Variants in DROSHA observed in about 807,000 individuals in gnomAD.
DROSHA encodes the protein drosha ribonuclease III.
DROSHA carries 56 observed loss-of-function variants against 181.9 expected under a neutral mutation model. The observed-to-expected ratio is 0.31, with a 90% CI of 0.25 to 0.38. The LOEUF (loss-of-function observed/expected upper bound fraction) is 0.38. Ranked by LOEUF, DROSHA falls within the 10% of genes least tolerant of loss-of-function variation. DROSHA has a pLI of 1.00. For missense variants in DROSHA, 1,218 were observed against 1,743.5 expected (o/e 0.70, Z 5.37); for synonymous variants, 524 against 591.2 (o/e 0.89, Z 1.65).
intron 26 of DROSHA, among the ~76,000 whole-genome samples, chr5:31,430,000 T>C (rs112457456): frequency 3.8e-4 from 58 of 152,184 alleles, no homozygotes; most frequent in African/African-American, 1.4e-3. Context: ...GCAAACAAAA[T>C]ATCAGGGGAA....
At chr5:31,504,467 A>T in intron 11 of DROSHA, 88 bp downstream of exon 11, 1 of 1,378,516 alleles carries the variant, frequency 7.3e-7, no homozygotes, top group Middle Eastern at 1.8e-4. Context: ...TGATGGTATT[A>T]TTTCATTTAT....
chr5:31,437,381 A>C, intron 23 of DROSHA, 83 bp from the exon 24 acceptor site: 7 of 1,092,518 alleles, frequency 6.4e-6, no homozygotes, highest in African/African-American at 1.8e-5. Context: ...AAAAGAACAC[A>C]TGAGGGTTAG....
intron 3 of DROSHA, 88 bp from the exon 4 acceptor site, chr5:31,529,193 A>T: frequency 8.7e-7 from 1 of 1,146,748 alleles, no homozygotes; most frequent in Non-Finnish European, 1.2e-6. Context: ...CATAACACTA[A>T]TTTTGTAGTT....
At chr5:31,531,786 G>T (rs1177668581) in intron 1 of DROSHA, among the ~76,000 whole-genome samples, 3 of 152,094 alleles carry the variant, frequency 2.0e-5, no homozygotes, top group Non-Finnish European at 4.4e-5. Flanking sequence ...CTCCACAAAT[G>T]AATGAAAGGT....
At chr5:31,469,701 T>C (rs574404459) in intron 17 of DROSHA, among the ~76,000 whole-genome samples, 3 of 107,036 alleles carry the variant, frequency 2.8e-5, no homozygotes, top group South Asian at 8.4e-4. Context: ...ATTTAAAATA[T>C]CTATAGTATC....
At chr5:31,530,399 T>TGG (rs1336485996) in intron 3 of DROSHA, among the ~76,000 whole-genome samples, 1 of 152,104 alleles carries the variant, frequency 6.6e-6, no homozygotes, top group African/African-American at 2.4e-5. Context: ...CCTCTGTGCT[T>TGG]GGCATTTAAG....
chr5:31,437,904 C>A (rs1745086851), intron 23 of DROSHA, among the ~76,000 whole-genome samples: 1 of 152,132 alleles, frequency 6.6e-6, no homozygotes, highest in South Asian at 2.1e-4. Flanking sequence ...ACCCTAGAGC[C>A]TTCCACTCTC....
At chr5:31,407,014 AGGAAAAC>A in intron 33 of DROSHA, 69 bp from the exon 34 acceptor site, 3 of 1,399,758 alleles carry the variant, frequency 2.1e-6, no homozygotes, top group Non-Finnish European at 3.0e-6. Context: ...TGTAACTATG[AGGAAAAC>A]CATGTACTTA....
At chr5:31,497,417 C>T (rs532471062) in intron 11 of DROSHA, among the ~76,000 whole-genome samples, 10 of 152,342 alleles carry the variant, frequency 6.6e-5, no homozygotes. Flanking sequence ...CGGCAGTCAA[C>T]TCTTGAAGCC....
intron 17 of DROSHA, among the ~76,000 whole-genome samples, chr5:31,468,447 C>A (rs1457415457): frequency 2.0e-5 from 3 of 152,224 alleles, no homozygotes; most frequent in Non-Finnish European, 4.4e-5. Flanking sequence ...TCAGAATGCA[C>A]AGATGCCTCT....
intron 29 of DROSHA, among the ~76,000 whole-genome samples, chr5:31,422,109 GAAAGAA>G (rs1332755488): frequency 4.8e-5 from 7 of 146,944 alleles, no homozygotes; most frequent in Non-Finnish European, 9.0e-5. Flanking sequence ...AAGAAAGAAA[GAAAGAA>G]AAAGAAAAAG....
Position 31,506,820 on chromosome 5 carries a change from C to T in DROSHA, c.1587+1801G>A, listed in dbSNP as rs117561218. On this transcript the variant is annotated intron_variant, in intron 10 of 35. Transcript: ENST00000344624. The stretch of plus-strand genomic sequence containing the variant: ...TCTCCAGGGAAGCAGAGACATCCTA[C>T]ATGCTTGCCTTTTACCAAGGTCTGG... Among the ~76,000 whole-genome samples the T allele has an allele frequency of 2.0e-4, 30 of 152,292 alleles. No homozygotes were observed. The East Asian group carries it at 5.8e-3, about 29-fold the overall frequency.
rs1193726633 is a variant in DROSHA, at chr5:31,435,785, G to A, written c.3022C>T (p.His1008Tyr). Residue 1008 changes from histidine to tyrosine, a missense_variant, in exon 25 of 36, where the codon CAC (histidine) becomes TAC (tyrosine). Coordinates refer to ENST00000344624, the MANE Select transcript of DROSHA (RefSeq NM_001382508.1). ...TYRTAIVQNQ[H>Y]LAMLAKKLEL... ...TATACCTTTGCTAGCATGGCAAGGT[G>A]CTGATTCTGAACAATGGCAGTCCGA... 4 of 1,613,750 alleles carry A rather than the reference G, an allele frequency of 2.5e-6. No homozygotes were observed. The highest frequency in any genetic ancestry group is 2.5e-6 in the Non-Finnish European group (3 of 1,179,832).
chr5:31,531,567 AG>A (rs1346672910), intron 1 of DROSHA, 42 bp from the exon 2 acceptor site: 1 of 152,264 alleles, frequency 6.6e-6, no homozygotes, highest in Non-Finnish European at 1.5e-5. Context: ...GCATGTAAAA[AG>A]AATTTTAAAG....
chr5:31,523,306 C>T (rs1398137524), intron 5 of DROSHA, among the ~76,000 whole-genome samples: 1 of 152,134 alleles, frequency 6.6e-6, no homozygotes, highest in Non-Finnish European at 1.5e-5. Context: ...ATAAATAAAG[C>T]CCGTTTTAGA....
intron 11 of DROSHA, among the ~76,000 whole-genome samples, chr5:31,502,259 G>C (rs1313209423): frequency 6.6e-6 from 1 of 152,222 alleles, no homozygotes; most frequent in Non-Finnish European, 1.5e-5. Context: ...AAGCAGCCCT[G>C]CTGCTGGGGC....
In DROSHA at chr5:31,409,146, T is replaced by G; in HGVS notation, c.3764A>C (p.Asn1255Thr). Residue 1255 changes from asparagine to threonine, a missense_variant, in exon 33 of 36, where the codon AAT becomes ACT. By Grantham distance (65) the Asn-to-Thr change is moderately conservative. Coordinates refer to ENST00000344624, the MANE Select transcript of DROSHA (RefSeq NM_001382508.1). This position sits in a 1 kb window ranked among gnomAD's most constrained non-coding sequence, Gnocchi z 4.0. ...GGATTTGGGGTCATTCCAATCCTGA[T>G]TCAAAATGAACTCCTGTGGAAGTCC... ...FFPRLKEFIL[N>T]QDWNDPKSQL... The G allele has an allele frequency of 6.2e-7, 1 of 1,613,850 alleles. No homozygotes were observed. Among genetic ancestry groups the G allele is most frequent in the Non-Finnish European group, 8.5e-7 (1 of 1,179,832 alleles).
chr5:31,509,026 T>C (rs1463063678), intron 9 of DROSHA, among the ~76,000 whole-genome samples: 1 of 152,104 alleles, frequency 6.6e-6, no homozygotes, highest in Non-Finnish European at 1.5e-5. Flanking sequence ...TTTTGCCATG[T>C]TGACCAGGCT....
chr5:31,512,763 G>A (rs971034356), intron 8 of DROSHA, among the ~76,000 whole-genome samples: 5 of 152,134 alleles, frequency 3.3e-5, no homozygotes, highest in African/African-American at 1.2e-4. Context: ...TGCTGGCTTC[G>A]AAGACAGAGG....
Sources: allele counts gnomAD v4.1 joint callset (sites outside exome capture counted in the v4.1 genomes callset), GRCh38; gene constraint gnomAD v4.1.1; non-coding constraint Gnocchi (gnomAD v3.1); transcripts MANE v1.5; gene names NCBI Gene and HGNC (gene_info 2026-07-23, HGNC 2026-07-21).